Variants in TACC1 observed in about 807,000 individuals in gnomAD.
TACC1 encodes transforming acidic coiled-coil-containing protein 1.
In TACC1, 48 loss-of-function variants were observed where a neutral mutation model predicts 84.4. The observed-to-expected ratio is 0.57, with a 90% confidence interval of 0.45 to 0.72. The LOEUF is 0.72. Among genes scored for constraint, TACC1 ranks in the 30% least tolerant of loss-of-function variants. The pLI is 0.00. For synonymous variants in TACC1, 372 were observed against 376.3 expected, an observed-to-expected ratio of 0.99 and a Z score of 0.13; for missense variants, 920 against 973.0, an observed-to-expected ratio of 0.95 and a Z score of 0.72.
intron 9 of TACC1, chr8:38,840,562 C>A: frequency 4.2e-6 from 1 of 238,178 alleles, no homozygotes; most frequent in Non-Finnish European, 8.1e-6. Flanking sequence ...TACTCACACA[C>A]TGGGGATTAG....
Position 38,852,022 on chromosome 8 carries a change from G to GT in TACC1, c.*4000dup, listed in dbSNP as rs1183100154. On this transcript the variant is annotated 3_prime_UTR_variant, in exon 13 of 13. Transcript: ENST00000317827. ...ATAGAGTAACAGTAAAGAAACTGAT[G>GT]TAACAGACTCTCCTCTCAAAGGATC... 1 of 454,476 alleles carries GT rather than the reference G, an allele frequency of 2.2e-6. No homozygotes were observed. The highest frequency in any genetic ancestry group is 2.4e-5 in the Admixed American group (1 of 42,260). 28.2% of individuals were successfully genotyped at this position (454,476 alleles called of 1,614,324 possible). A position where few individuals can be genotyped will look rare whatever the true frequency, so the allele number is the denominator to read the frequency against.
chr8:38,792,687 G>C (rs906648233), intron 2 of TACC1, among the ~76,000 whole-genome samples: 1 of 152,064 alleles, frequency 6.6e-6, no homozygotes, highest in South Asian at 2.1e-4. Context: ...GGATGGTCTC[G>C]ATCTCCTGAC....
intron 2 of TACC1, among the ~76,000 whole-genome samples, chr8:38,796,026 A>G (rs7017771): frequency 0.024 from 3,613 of 152,362 alleles, 131 homozygotes; most frequent in African/African-American, 0.075. Context: ...ATATGACAAT[A>G]AATGATTGAT....
At chr8:38,815,900 G>A (rs1394499296) in intron 2 of TACC1, among the ~76,000 whole-genome samples, 1 of 151,606 alleles carries the variant, frequency 6.6e-6, no homozygotes, top group Non-Finnish European at 1.5e-5. Context: ...GGCTGAGGCG[G>A]GAGGATGACT....
intron 3 of TACC1, among the ~76,000 whole-genome samples, chr8:38,763,360 G>A (rs749694237): frequency 1.9e-4 from 29 of 151,988 alleles, no homozygotes; most frequent in Admixed American, 4.6e-4. Context: ...TTGCTATATT[G>A]CCCAGGATAT....
rs1188898323 is a variant in TACC1 at position 38,819,949 on chromosome 8, T to C, written c.705T>C (p.Pro235=). The stretch of plus-strand genomic sequence containing the variant: ...GAAGCAAGCTGAGAAAGCCCAAGCC[T>C]GTCCCCCTGAGGAAGAAAGCAATTG... ...SRRSKLRKPK[P]VPLRKKAIGG... Residue 235 remains proline (P), a synonymous_variant, in exon 3 of 13, where the codon CCT becomes CCC. Transcript: ENST00000317827. 4 of 1,614,076 alleles carry C rather than the reference T, an allele frequency of 2.5e-6. No homozygotes were observed. Among genetic ancestry groups the C allele is most frequent in the Non-Finnish European group, 3.4e-6 (4 of 1,180,060 alleles).
At chr8:38,746,029 C>T (rs940097382) in intron 3 of TACC1, among the ~76,000 whole-genome samples, 5 of 152,142 alleles carry the variant, frequency 3.3e-5, no homozygotes, top group African/African-American at 1.2e-4. Flanking sequence ...GTTGCCTAGG[C>T]TGGTCTTAAA....
upstream of TACC1, among the ~76,000 whole-genome samples, chr8:38,785,435 C>T (rs926578203): frequency 1.3e-5 from 2 of 151,986 alleles, no homozygotes; most frequent in African/African-American, 4.8e-5. Context: ...GAATGGGAAC[C>T]GAAAGATTAG....
intron 9 of TACC1, 54 bp downstream of exon 9, chr8:38,840,321 C>T (rs765234683): frequency 6.7e-7 from 1 of 1,500,500 alleles, no homozygotes; most frequent in Admixed American, 1.7e-5. Context: ...CTGTCTTAGT[C>T]TGTTCAGCCT....
chr8:38,779,810 T>C (rs1815571289), intron 3 of TACC1, among the ~76,000 whole-genome samples: 1 of 152,182 alleles, frequency 6.6e-6, no homozygotes, highest in African/African-American at 2.4e-5. Flanking sequence ...GTTAACTTGT[T>C]AACAACAACA....
chr8:38,738,144 TA>T (rs1001267136), intron 1 of TACC1, among the ~76,000 whole-genome samples: 26 of 152,122 alleles, frequency 1.7e-4, no homozygotes, highest in African/African-American at 5.8e-4. Context: ...CTCACACCTT[TA>T]ATCCCAACAC....
At chr8:38,844,500 A>G (rs1831850027) in intron 11 of TACC1, among the ~76,000 whole-genome samples, 1 of 152,098 alleles carries the variant, frequency 6.6e-6, no homozygotes, top group Non-Finnish European at 1.5e-5. Context: ...AATCAATGTA[A>G]TTTTGATTTG....
At chr8:38,833,118 T>C (rs1168768621) in intron 6 of TACC1, among the ~76,000 whole-genome samples, 51 of 152,252 alleles carry the variant, frequency 3.3e-4, no homozygotes, top group Non-Finnish European at 1.0e-4. Flanking sequence ...CAATTCTCTG[T>C]GATGGTAGAT....
At chr8:38,838,585 A>G in intron 8 of TACC1, 39 bp downstream of exon 8, 1 of 1,492,518 alleles carries the variant, frequency 6.7e-7, no homozygotes, top group East Asian at 2.3e-5. Context: ...GGATACTTTT[A>G]TGCACTGTTA....
rs770613352 is a variant in TACC1, at chr8:38,799,242, G to A, written c.277+10423G>A. On this transcript the variant is annotated intron_variant, in intron 2 of 12. Coordinates refer to ENST00000317827, the MANE Select transcript of TACC1 (RefSeq NM_006283.3). ...AGCTATGCCAAGCCATCCCCCAGCC[G>A]TTAGCCTAGAGCTGAGCTGCGGCAT... Among the ~76,000 whole-genome samples, 7 of 152,232 alleles carry A rather than the reference G, an allele frequency of 4.6e-5. No homozygotes were observed. In the South Asian group the frequency reaches 8.3e-4, roughly 18 times the overall value.
rs1029841260 is a variant in TACC1, at chr8:38,790,479, G to C, written c.277+1660G>C. ...AAAAGGCTCCCTGGGCTGCTGTGTG[G>C]AGAAGGGACTCTAGGATGGAAGTCC... On this transcript the variant is annotated intron_variant, in intron 2 of 12. Coordinates refer to ENST00000317827, the MANE Select transcript of TACC1 (RefSeq NM_006283.3). Among the ~76,000 whole-genome samples, 6 of 152,316 alleles carry C rather than the reference G, an allele frequency of 3.9e-5. 1 individual carries two copies. The highest frequency in any genetic ancestry group is 2.6e-4 in the Admixed American group (4 of 15,302).
intron 3 of TACC1, among the ~76,000 whole-genome samples, chr8:38,822,372 A>T (rs114839110): frequency 0.024 from 3,607 of 152,166 alleles, 131 homozygotes; most frequent in African/African-American, 0.075. Flanking sequence ...AAAATAATAC[A>T]CCTGTATAGG....
At chr8:38,787,840 C>T (rs1817644014) in intron 1 of TACC1, 97 bp downstream of exon 1, 1 of 1,206,262 alleles carries the variant, frequency 8.3e-7, no homozygotes, top group Admixed American at 3.6e-5. Context: ...ACCCGCGAAA[C>T]CGTCCTCACG....
At chr8:38,745,653 C>T (rs186524176) in intron 3 of TACC1, among the ~76,000 whole-genome samples, 2 of 151,934 alleles carry the variant, frequency 1.3e-5, no homozygotes, top group East Asian at 3.9e-4. Context: ...AAGGAATTCT[C>T]CTGTCTCAGC....
Sources: gnomAD v4.1 joint callset for allele counts (sites outside exome capture counted in the v4.1 genomes callset) on GRCh38, gnomAD v4.1.1 for gene constraint, MANE v1.5 for transcripts, NCBI Gene and HGNC (gene_info 2026-07-23, HGNC 2026-07-21) for gene names.